Variants in ARHGAP28 observed in about 807,000 individuals in gnomAD.
ARHGAP28 encodes the protein rho GTPase-activating protein 28.
Under a neutral mutation model 90.7 loss-of-function variants are expected in ARHGAP28, and 56 were observed. The observed-to-expected ratio is 0.62, with a 90% CI of 0.50 to 0.77. The LOEUF (loss-of-function observed/expected upper bound fraction) is 0.77. Among genes scored for constraint, ARHGAP28 ranks in the 30% least tolerant of loss-of-function variants. The pLI, the probability that ARHGAP28 is intolerant of heterozygous loss-of-function variation, is 0.00. For synonymous variants in ARHGAP28, 308 were observed against 323.3 expected, an observed-to-expected ratio of 0.95 and a Z score of 0.51; for missense variants, 869 against 900.9, an observed-to-expected ratio of 0.96 and a Z score of 0.45.
intron 14 of ARHGAP28, 88 bp from the exon 15 acceptor site, chr18:6,894,747 C>A: frequency 9.5e-7 from 1 of 1,051,012 alleles, no homozygotes; most frequent in Non-Finnish European, 1.4e-6. Context: ...CCAAAATGTT[C>A]TCCATAAAGA....
At chr18:6,894,759 T>G in intron 14 of ARHGAP28, 76 bp from the exon 15 acceptor site, 1 of 1,208,632 alleles carries the variant, frequency 8.3e-7, no homozygotes, top group South Asian at 1.3e-5. Context: ...CCATAAAGAT[T>G]GTACCAGTTT....
chr18:6,767,455 T>C (rs1021823718), intron 1 of ARHGAP28, among the ~76,000 whole-genome samples: 2 of 152,152 alleles, frequency 1.3e-5, no homozygotes, highest in Admixed American at 1.3e-4. Context: ...CTGGTATTAT[T>C]TTCTTTCTGC....
intron 1 of ARHGAP28, among the ~76,000 whole-genome samples, chr18:6,811,337 A>G (rs1380248835): frequency 6.6e-6 from 1 of 152,194 alleles, no homozygotes; most frequent in Non-Finnish European, 1.5e-5. Context: ...GACTGGAGAG[A>G]AGAAAAGGCT....
intron 1 of ARHGAP28, among the ~76,000 whole-genome samples, chr18:6,765,362 A>G (rs1047731727): frequency 6.6e-6 from 1 of 152,138 alleles, no homozygotes; most frequent in African/African-American, 2.4e-5. Context: ...AGTTCTAATA[A>G]ATTATCTTTC....
intron 3 of ARHGAP28, among the ~76,000 whole-genome samples, chr18:6,848,448 G>C (rs1174810167): frequency 6.6e-6 from 1 of 152,064 alleles, no homozygotes; most frequent in Non-Finnish European, 1.5e-5. Flanking sequence ...TAGCACTCTG[G>C]ACAACAGCAG....
chr18:6,837,147 C>T, intron 2 of ARHGAP28, 50 bp from the exon 3 acceptor site: 2 of 1,350,544 alleles, frequency 1.5e-6, no homozygotes, highest in East Asian at 2.5e-5. Flanking sequence ...ACATGGCATC[C>T]AATCATACAG....
At chr18:6,783,091 C>A (rs913458543) in intron 1 of ARHGAP28, among the ~76,000 whole-genome samples, 1 of 152,164 alleles carries the variant, frequency 6.6e-6, no homozygotes, top group East Asian at 1.9e-4. Flanking sequence ...CTGTGTTCTT[C>A]ACTTTCTGAG....
rs1471088698 is a variant in ARHGAP28, at chr18:6,914,835, C to T, written c.*2681C>T. On this transcript the variant is annotated 3_prime_UTR_variant, in exon 18 of 18. Coordinates refer to ENST00000383472, the MANE Select transcript of ARHGAP28 (RefSeq NM_001366230.1). Reference sequence around the variant, plus strand: ...CCTAGAGTTGATTCATTGTTTTCCTCCATCCTGCAAAAGAAGATCCCTTTG... The same window carrying T: ...CCTAGAGTTGATTCATTGTTTTCCTTCATCCTGCAAAAGAAGATCCCTTTG... 1 of 152,542 alleles carries T rather than the reference C, an allele frequency of 6.6e-6. No homozygotes were observed. The highest frequency in any genetic ancestry group is 1.5e-5 in the Non-Finnish European group (1 of 68,028). The allele number at this position is 152,542 out of a possible 1,614,324, so 9.4% of individuals were successfully genotyped here.
rs796439784 is a variant in ARHGAP28, at chr18:6,875,382, C to T, written c.1213-749C>T. ...AGAAGAATTACCTTAGTTCCAGGTA[C>T]CATCCACCATCATTTCTTGAAAGGA... On this transcript the variant is annotated intron_variant, in intron 9 of 17. Coordinates refer to ENST00000383472, the MANE Select transcript of ARHGAP28 (RefSeq NM_001366230.1). Among the ~76,000 whole-genome samples, 14 of 152,294 alleles carry T rather than the reference C, an allele frequency of 9.2e-5. 1 individual carries two copies. The highest frequency in any genetic ancestry group is 3.4e-4 in the African/African-American group (14 of 41,576).
intron 1 of ARHGAP28, among the ~76,000 whole-genome samples, chr18:6,762,526 C>T (rs2056170028): frequency 6.6e-6 from 1 of 152,218 alleles, no homozygotes; most frequent in African/African-American, 2.4e-5. Context: ...AAATAGTCTG[C>T]TGTGCCTCCC....
intron 1 of ARHGAP28, among the ~76,000 whole-genome samples, chr18:6,807,451 C>T (rs1443485414): frequency 6.6e-6 from 1 of 151,976 alleles, no homozygotes; most frequent in Non-Finnish European, 1.5e-5. Context: ...GAGCTTTGTT[C>T]TGGCACTTGA....
intron 13 of ARHGAP28, 108 bp from the exon 14 acceptor site, chr18:6,890,322 C>A (rs2057254832): frequency 1.3e-6 from 1 of 777,568 alleles, no homozygotes; most frequent in Non-Finnish European, 2.1e-6. Flanking sequence ...CCATTCCTGG[C>A]TCCAGGATAC....
chr18:6,882,320 G>A (rs1415499263), intron 11 of ARHGAP28, 21 bp downstream of exon 11: 2 of 1,603,286 alleles, frequency 1.2e-6, no homozygotes, highest in Admixed American at 3.4e-5. Flanking sequence ...GACGTTATAT[G>A]TGAATACGCT....
chr18:6,820,714 C>T (rs1019237269), intron 1 of ARHGAP28, among the ~76,000 whole-genome samples: 1 of 152,172 alleles, frequency 6.6e-6, no homozygotes, highest in Non-Finnish European at 1.5e-5. Flanking sequence ...ATAGACTCAA[C>T]AAGACAATGG....
intron 10 of ARHGAP28, among the ~76,000 whole-genome samples, chr18:6,880,422 C>T (rs904046927): frequency 6.6e-6 from 1 of 152,162 alleles, no homozygotes; most frequent in Non-Finnish European, 1.5e-5. Flanking sequence ...CTCGCTTCCA[C>T]CCACCCGACC....
At chr18:6,791,433 A>C (rs537185408) in intron 1 of ARHGAP28, 2 of 152,322 alleles carry the variant, frequency 1.3e-5, no homozygotes, top group South Asian at 4.1e-4. Flanking sequence ...CTTCAATCCA[A>C]TTAAGCTGAC....
At chr18:6,791,368 A>C (rs1381821497) in intron 1 of ARHGAP28, 1 of 152,220 alleles carries the variant, frequency 6.6e-6, no homozygotes, top group Non-Finnish European at 1.5e-5. Flanking sequence ...TGACTCAAGT[A>C]TTAATCTCTT....
intron 1 of ARHGAP28, among the ~76,000 whole-genome samples, chr18:6,780,269 T>G (rs1475164509): frequency 6.6e-6 from 1 of 152,152 alleles, no homozygotes; most frequent in Non-Finnish European, 1.5e-5. Flanking sequence ...ATGGGCAGAT[T>G]GAACCAACCT....
chr18:6,828,115 G>A (rs372918642), intron 2 of ARHGAP28, among the ~76,000 whole-genome samples: 2 of 152,166 alleles, frequency 1.3e-5, no homozygotes, highest in Non-Finnish European at 1.5e-5. Flanking sequence ...TTGGGAGGCC[G>A]AGGCTGGCAG....
Sources: allele counts gnomAD v4.1 joint callset (sites outside exome capture counted in the v4.1 genomes callset), GRCh38; gene constraint gnomAD v4.1.1; transcripts MANE v1.5; gene names NCBI Gene and HGNC (gene_info 2026-07-23, HGNC 2026-07-21).